DUSP16: variants seen among roughly 807,000 people sequenced by gnomAD.
The protein encoded by DUSP16 is dual specificity phosphatase 16.
In DUSP16, 21 loss-of-function variants were observed where a neutral mutation model predicts 58.3. The ratio of observed to expected loss-of-function variants is 0.36; its 90% CI spans 0.26 to 0.52. DUSP16 has a LOEUF of 0.52. Among genes scored for constraint, DUSP16 ranks in the 20% least tolerant of loss-of-function variants. DUSP16 has a pLI of 0.94. For missense variants in DUSP16, 726 were observed against 819.0 expected, an observed-to-expected ratio of 0.89 and a Z score of 1.39; for synonymous variants, 320 against 323.8, an observed-to-expected ratio of 0.99 and a Z score of 0.12.
chr12:12,502,637 C>T lies in DUSP16; in HGVS notation c.368-1955G>A, dbSNP rs150720771. Among the ~76,000 whole-genome samples the T allele has an allele frequency of 8.9e-4, 135 of 151,074 alleles. 1 individual carries two copies. Among genetic ancestry groups the T allele is most frequent in the African/African-American group, 3.2e-3 (132 of 41,152 alleles). ...CATGATCTCAGCTCACTGCAATCTC[C>T]GCCTCCCGAGTTCAAGAGATTCTCC... On this transcript the variant is annotated intron_variant, in intron 3 of 6. Coordinates refer to ENST00000298573, the MANE Select transcript of DUSP16 (RefSeq NM_030640.3).
At chr12:12,532,814 G>A (rs1268282454) in intron 1 of DUSP16, among the ~76,000 whole-genome samples, 1 of 152,110 alleles carries the variant, frequency 6.6e-6, no homozygotes, top group Non-Finnish European at 1.5e-5. Context: ...TGGGCGTGGT[G>A]GTGCATGCCT....
intron 1 of DUSP16, among the ~76,000 whole-genome samples, chr12:12,537,009 A>G (rs1944475629): frequency 1.3e-5 from 2 of 152,160 alleles, no homozygotes; most frequent in East Asian, 3.8e-4. Context: ...ACTGCACTCT[A>G]TCTAGCCTGG....
At chr12:12,539,303 GAAT>G (rs1944515837) in intron 1 of DUSP16, among the ~76,000 whole-genome samples, 1 of 152,132 alleles carries the variant, frequency 6.6e-6, no homozygotes, top group Non-Finnish European at 1.5e-5. Context: ...TCTATAATTT[GAAT>G]AATAATAAAG....
chr12:12,561,220 C>G (rs937573537), intron 1 of DUSP16: 2 of 152,086 alleles, frequency 1.3e-5, no homozygotes, highest in Non-Finnish European at 2.9e-5. Context: ...TTTTTTCCTC[C>G]CCAGCTTATT....
At chr12:12,513,264 TTGA>T (rs1333804124) in intron 3 of DUSP16, among the ~76,000 whole-genome samples, 1 of 152,238 alleles carries the variant, frequency 6.6e-6, no homozygotes, top group African/African-American at 2.4e-5. Flanking sequence ...AGACTTTTAC[TTGA>T]TGATCTCTTC....
intron 1 of DUSP16, among the ~76,000 whole-genome samples, chr12:12,552,024 A>T (rs931813497): frequency 2.6e-5 from 4 of 152,320 alleles, no homozygotes; most frequent in Middle Eastern, 3.4e-3. Context: ...TGAATGATCA[A>T]TGTATGCAGT....
At chr12:12,550,230 G>A (rs1168462862) in intron 1 of DUSP16, among the ~76,000 whole-genome samples, 8 of 149,870 alleles carry the variant, frequency 5.3e-5, no homozygotes, top group Non-Finnish European at 3.0e-5. Context: ...CCAAGACGGC[G>A]CCATTGCCCT....
chr12:12,539,378 G>A (rs1944516874), intron 1 of DUSP16, among the ~76,000 whole-genome samples: 1 of 152,168 alleles, frequency 6.6e-6, no homozygotes, highest in Non-Finnish European at 1.5e-5. Context: ...GGGGCACAGA[G>A]CCCAATTAGG....
chr12:12,516,690 C>A (rs1030985116), intron 3 of DUSP16, among the ~76,000 whole-genome samples: 1 of 152,172 alleles, frequency 6.6e-6, no homozygotes, highest in Non-Finnish European at 1.5e-5. Context: ...AATAAATACA[C>A]CTTCCAAATC....
chr12:12,546,292 A>G (rs1196771956), intron 1 of DUSP16, among the ~76,000 whole-genome samples: 1 of 152,146 alleles, frequency 6.6e-6, no homozygotes, highest in Non-Finnish European at 1.5e-5. Context: ...TTCACAATTA[A>G]ATGTCCAGCC....
chr12:12,504,754 G>A (rs982587904), intron 3 of DUSP16, among the ~76,000 whole-genome samples: 14 of 150,660 alleles, frequency 9.3e-5, no homozygotes, highest in Non-Finnish European at 5.9e-5. Flanking sequence ...GAGTATTCCT[G>A]TAGTTCCAGC....
At position 12,477,090 on chromosome 12, in the gene DUSP16, C is replaced by T; in HGVS notation, c.1741G>A (p.Ala581Thr). Residue 581 changes from alanine to threonine, a missense_variant, in exon 7 of 7, where the codon GCC becomes ACC. Physicochemically the swap from Ala to Thr is moderately conservative, Grantham distance 58 (BLOSUM62 0). Transcript: ENST00000298573. The surrounding 1 kb of genome is among the most constrained non-coding windows in gnomAD (Gnocchi z 4.1). ...AIYGGSASYS[A>T]YSCSQLPTCG... The stretch of plus-strand genomic sequence containing the variant: ...GTGGGCAGCTGGCTGCAGCTGTAGG[C>T]AGAGTAACTGGCACTGCCTCCGTAG... 1 of 1,614,248 alleles carries T rather than the reference C, an allele frequency of 6.2e-7. No homozygotes were observed. The highest frequency in any genetic ancestry group is 1.1e-5 in the South Asian group (1 of 91,090).
intron 1 of DUSP16, among the ~76,000 whole-genome samples, chr12:12,560,432 GTTAT>G (rs1434646887): frequency 6.6e-6 from 1 of 152,154 alleles, no homozygotes; most frequent in Non-Finnish European, 1.5e-5. Flanking sequence ...TTGGGCTGGT[GTTAT>G]TTAGCCTATA....
At chr12:12,556,618 G>A (rs1205639034) in intron 1 of DUSP16, among the ~76,000 whole-genome samples, 3 of 151,706 alleles carry the variant, frequency 2.0e-5, no homozygotes, top group Admixed American at 6.6e-5. Context: ...AGAGTGAAGG[G>A]CACATATTTC....
At position 12,477,374 on chromosome 12, in the gene DUSP16, G is replaced by C. The variant is rs142808469; in HGVS notation, c.1457C>G (p.Ser486Trp). 31 of 1,613,670 alleles carry C rather than the reference G, an allele frequency of 1.9e-5. No homozygotes were observed. Among genetic ancestry groups the C allele is most frequent in the Non-Finnish European group, 2.5e-5 (30 of 1,179,772 alleles). Reference sequence around the variant, plus strand: ...GGTGCCACTGCTGCTGGTTCTGACCGAATGCAATCGCTTGCTCTGGCTGTC... The same window carrying C: ...GGTGCCACTGCTGCTGGTTCTGACCCAATGCAATCGCTTGCTCTGGCTGTC... The part of the protein sequence containing the change: ...PSDSQSKRLH[S>W]VRTSSSGTAQ... Residue 486 changes from serine to tryptophan, a missense_variant, in exon 7 of 7, where the codon TCG becomes TGG. By Grantham distance (177) the Ser-to-Trp change is radical. Transcript: ENST00000298573. This position sits in a 1 kb window ranked among gnomAD's most constrained non-coding sequence, Gnocchi z 4.1.
intron 5 of DUSP16, among the ~76,000 whole-genome samples, chr12:12,485,082 T>G (rs1943655706): frequency 6.6e-6 from 1 of 151,652 alleles, no homozygotes; most frequent in Non-Finnish European, 1.5e-5. Flanking sequence ...CGATCTTGGC[T>G]CACTGCAACC....
chr12:12,510,579 T>C (rs954729453), intron 3 of DUSP16, among the ~76,000 whole-genome samples: 4 of 152,112 alleles, frequency 2.6e-5, no homozygotes, highest in African/African-American at 9.7e-5. Flanking sequence ...CACATATAAG[T>C]TCAAAAAACA....
chr12:12,559,343 C>A (rs951766120), intron 1 of DUSP16, among the ~76,000 whole-genome samples: 2 of 152,186 alleles, frequency 1.3e-5, no homozygotes, highest in Non-Finnish European at 2.9e-5. Context: ...CCTGTGAAAT[C>A]TTTTTAACTA....
At chr12:12,484,368 G>A (rs1943637539) in intron 5 of DUSP16, among the ~76,000 whole-genome samples, 1 of 152,140 alleles carries the variant, frequency 6.6e-6, no homozygotes, top group Non-Finnish European at 1.5e-5. Context: ...AAGTTCTTTT[G>A]TATGAATGAA....
Sources: allele counts gnomAD v4.1 joint callset (sites outside exome capture counted in the v4.1 genomes callset), GRCh38; gene constraint gnomAD v4.1.1; non-coding constraint Gnocchi (gnomAD v3.1); transcripts MANE v1.5; gene names NCBI Gene and HGNC (gene_info 2026-07-23, HGNC 2026-07-21).